Variants in FAM227B observed in about 807,000 individuals in gnomAD.
FAM227B encodes protein FAM227B.
Under a neutral mutation model 73.8 loss-of-function variants are expected in FAM227B, and 88 were observed. The observed-to-expected ratio is 1.19, with a 90% CI of 1.00 to 1.42. FAM227B has a LOEUF of 1.42. Ranked by LOEUF, FAM227B falls within the 40% of genes most tolerant of loss-of-function variation. The pLI, the probability that FAM227B is intolerant of heterozygous loss-of-function variation, is 0.00. For synonymous variants in FAM227B, 210 were observed against 190.5 expected (o/e 1.10, Z -0.84); for missense variants, 632 against 590.9 (o/e 1.07, Z -0.72).
chr15:49,404,760 C>T (rs2048403273), intron 11 of FAM227B, among the ~76,000 whole-genome samples: 1 of 152,028 alleles, frequency 6.6e-6, no homozygotes, highest in Non-Finnish European at 1.5e-5. Context: ...ATCCCATTTA[C>T]ATTCATGGTT....
At chr15:49,330,906 AC>A (rs1490359518) in intron 15 of FAM227B, 1 of 152,240 alleles carries the variant, frequency 6.6e-6, no homozygotes, top group Non-Finnish European at 1.5e-5. Context: ...GTGAGCCATG[AC>A]TGCAGCACTG....
At chr15:49,501,443 G>A (rs1057017064) in intron 11 of FAM227B, among the ~76,000 whole-genome samples, 7 of 152,204 alleles carry the variant, frequency 4.6e-5, no homozygotes, top group African/African-American at 1.7e-4. Context: ...AGGGATCTGT[G>A]AAAGCTTGAA....
intron 11 of FAM227B, among the ~76,000 whole-genome samples, chr15:49,407,214 TCTCC>T (rs1678894281): frequency 6.6e-6 from 1 of 152,116 alleles, no homozygotes; most frequent in African/African-American, 2.4e-5. Flanking sequence ...TCTAAGCAGC[TCTCC>T]CTGTCAACTT....
chr15:49,432,523 C>T (rs1319162814), intron 11 of FAM227B, among the ~76,000 whole-genome samples: 1 of 151,592 alleles, frequency 6.6e-6, no homozygotes, highest in Non-Finnish European at 1.5e-5. Context: ...CATTCTTAGT[C>T]CCTGGTTTGG....
intron 13 of FAM227B, chr15:49,365,990 C>T (rs936492413): frequency 2.5e-6 from 2 of 815,130 alleles, no homozygotes; most frequent in Non-Finnish European, 4.4e-6. Context: ...ACCATCATAA[C>T]ACAGTAGATG....
intron 13 of FAM227B, among the ~76,000 whole-genome samples, chr15:49,347,898 A>G (rs1406629497): frequency 1.3e-5 from 2 of 151,930 alleles, no homozygotes; most frequent in African/African-American, 4.8e-5. Flanking sequence ...AGATGCCTGT[A>G]GTCCCAGCTA....
chr15:49,570,141 T>C (rs2074986253), intron 8 of FAM227B, among the ~76,000 whole-genome samples: 1 of 152,024 alleles, frequency 6.6e-6, no homozygotes, highest in South Asian at 2.1e-4. Context: ...TTTCTTTGGA[T>C]GTATATCCAG....
chr15:49,574,567 C>A (rs2075326811), intron 8 of FAM227B, among the ~76,000 whole-genome samples: 1 of 152,128 alleles, frequency 6.6e-6, no homozygotes, highest in Non-Finnish European at 1.5e-5. Flanking sequence ...GGCCTCCACA[C>A]CATGCGGAAA....
intron 10 of FAM227B, among the ~76,000 whole-genome samples, chr15:49,521,566 C>G (rs1016236680): frequency 6.6e-6 from 1 of 152,128 alleles, no homozygotes; most frequent in South Asian, 2.1e-4. Context: ...GTTACACCTC[C>G]CTGAAAGTGT....
intron 10 of FAM227B, among the ~76,000 whole-genome samples, chr15:49,529,402 A>G (rs2060447830): frequency 6.6e-6 from 1 of 151,714 alleles, no homozygotes; most frequent in South Asian, 2.1e-4. Flanking sequence ...GGTTTACTAG[A>G]AGCCCAAATA....
chr15:49,434,235 G>T (rs2413943), intron 11 of FAM227B, among the ~76,000 whole-genome samples: 138,239 of 151,636 alleles, frequency 0.91, 64,413 homozygotes, highest in Non-Finnish European at 1. Context: ...CATAGTTTCC[G>T]CCTTTGTTTG....
chr15:49,512,065 T>G (rs1177920903), intron 10 of FAM227B, among the ~76,000 whole-genome samples: 2 of 152,110 alleles, frequency 1.3e-5, no homozygotes, highest in East Asian at 3.9e-4. Context: ...ATTATTATTA[T>G]ACTCTCAGTT....
intron 11 of FAM227B, among the ~76,000 whole-genome samples, chr15:49,444,572 A>G (rs1477041200): frequency 6.6e-6 from 1 of 151,720 alleles, no homozygotes; most frequent in African/African-American, 2.4e-5. Flanking sequence ...GTGAGAGAAC[A>G]TAAGGTTTAT....
At chr15:49,356,296 A>C (rs1214980582) in intron 13 of FAM227B, among the ~76,000 whole-genome samples, 1 of 151,706 alleles carries the variant, frequency 6.6e-6, no homozygotes, top group Non-Finnish European at 1.5e-5. Flanking sequence ...GGCAAATTGG[A>C]TAAAGAGTCA....
intron 10 of FAM227B, among the ~76,000 whole-genome samples, chr15:49,520,356 T>G (rs2152160647): frequency 6.6e-6 from 1 of 152,318 alleles, no homozygotes; most frequent in East Asian, 1.9e-4. Flanking sequence ...TTATGTTTTC[T>G]TCTGAGCCCT....
At chr15:49,344,129 T>C (rs910046593) in intron 13 of FAM227B, 6 of 152,208 alleles carry the variant, frequency 3.9e-5, no homozygotes, top group Non-Finnish European at 7.3e-5. Context: ...AAATCTCATA[T>C]TGATGAATGT....
intron 11 of FAM227B, among the ~76,000 whole-genome samples, chr15:49,408,949 T>C (rs1029097967): frequency 3.3e-5 from 5 of 152,180 alleles, no homozygotes; most frequent in African/African-American, 1.2e-4. Context: ...AATGAGTATA[T>C]AAATTCTAGT....
At chr15:49,605,031 G>T (rs769400049) in intron 3 of FAM227B, among the ~76,000 whole-genome samples, 2 of 152,068 alleles carry the variant, frequency 1.3e-5, no homozygotes, top group Non-Finnish European at 2.9e-5. Context: ...GCAGTTTGTA[G>T]ATCTCTATTT....
In FAM227B at chr15:49,368,006, T is replaced by C. The variant is rs142845327; in HGVS notation, c.1111-398A>G. The C allele has an allele frequency of 1.7e-3, 263 of 153,282 alleles. 1 individual carries two copies. Among genetic ancestry groups the C allele is most frequent in the Non-Finnish European group, 3.0e-3 (205 of 68,924 alleles). The allele number at this position is 153,282 out of a possible 1,614,324, so 9.5% of individuals were successfully genotyped here. On this transcript the variant is annotated intron_variant, in intron 12 of 15. Coordinates refer to ENST00000299338, the MANE Select transcript of FAM227B (RefSeq NM_152647.3). Reference sequence around the variant, plus strand: ...TTCAGCAATTTCTAAGTAGAATAAATTCACACCTAGCACATCCCAGACAAA... The same window carrying C: ...TTCAGCAATTTCTAAGTAGAATAAACTCACACCTAGCACATCCCAGACAAA...
Sources: gnomAD v4.1 joint callset for allele counts (sites outside exome capture counted in the v4.1 genomes callset) on GRCh38, gnomAD v4.1.1 for gene constraint, MANE v1.5 for transcripts, NCBI Gene and HGNC (gene_info 2026-07-23, HGNC 2026-07-21) for gene names.